CSMD3: variants seen among roughly 807,000 people sequenced by gnomAD.
CSMD3 encodes the protein CUB and Sushi multiple domains 3.
CSMD3 carries 177 observed loss-of-function variants against 435.2 expected under a neutral mutation model. The ratio of observed to expected loss-of-function variants is 0.41; its 90% CI spans 0.36 to 0.46. The LOEUF is 0.46. Among genes scored for constraint, CSMD3 ranks in the 20% least tolerant of loss-of-function variants. The pLI is 0.34. For synonymous variants in CSMD3, 1,656 were observed against 1,520.5 expected (o/e 1.09, Z -2.07); for missense variants, 4,265 against 4,504.6 (o/e 0.95, Z 1.52).
intron 1 of CSMD3, among the ~76,000 whole-genome samples, chr8:113,316,619 G>A (rs185848671): frequency 2.7e-5 from 4 of 150,578 alleles, no homozygotes; most frequent in East Asian, 2.0e-4. Context: ...GCGTGATCTC[G>A]GCTCACTGCA....
chr8:112,874,036 G>T (rs1587540036), intron 10 of CSMD3, among the ~76,000 whole-genome samples: 1 of 152,216 alleles, frequency 6.6e-6, no homozygotes, highest in East Asian at 1.9e-4. Flanking sequence ...GCTTTGTCCT[G>T]TGGGCATTTA....
chr8:113,392,221 G>C (rs1428449440), intron 1 of CSMD3, among the ~76,000 whole-genome samples: 1 of 152,062 alleles, frequency 6.6e-6, no homozygotes, highest in Non-Finnish European at 1.5e-5. Flanking sequence ...ATACATAATT[G>C]TATAAATTAT....
At chr8:112,692,801 CAGAG>C (rs1248517134) in intron 13 of CSMD3, among the ~76,000 whole-genome samples, 1 of 152,086 alleles carries the variant, frequency 6.6e-6, no homozygotes, top group Non-Finnish European at 1.5e-5. Flanking sequence ...TTGAGAGAGA[CAGAG>C]AGCACATTCA....
intron 2 of CSMD3, chr8:113,313,803 TG>T (rs2093888942): frequency 6.6e-6 from 1 of 152,146 alleles, no homozygotes; most frequent in African/African-American, 2.4e-5. Context: ...ATACAAACAC[TG>T]GCATAAATCT....
At chr8:112,932,810 C>T (rs2083157354) in intron 9 of CSMD3, among the ~76,000 whole-genome samples, 1 of 151,916 alleles carries the variant, frequency 6.6e-6, no homozygotes, top group African/African-American at 2.4e-5. Context: ...TGTATATTTG[C>T]ATTTCAAAAT....
intron 5 of CSMD3, among the ~76,000 whole-genome samples, chr8:113,044,363 C>T (rs1010530139): frequency 7.6e-6 from 1 of 132,278 alleles, no homozygotes; most frequent in Non-Finnish European, 1.8e-5. Context: ...GTGTCTAGAA[C>T]AGTCCATAAT....
intron 22 of CSMD3, among the ~76,000 whole-genome samples, chr8:112,621,856 C>T (rs1334669321): frequency 6.6e-6 from 1 of 152,120 alleles, no homozygotes; most frequent in African/African-American, 2.4e-5. Context: ...TATCCTGTAA[C>T]TTTTTCTCAA....
At chr8:112,798,283 T>G (rs952119107) in intron 13 of CSMD3, among the ~76,000 whole-genome samples, 1 of 151,608 alleles carries the variant, frequency 6.6e-6, no homozygotes, top group East Asian at 1.9e-4. Flanking sequence ...AAAATTAGAG[T>G]TTATGGAAAA....
At chr8:112,672,061 T>C (rs1254554083) in intron 16 of CSMD3, among the ~76,000 whole-genome samples, 2 of 152,116 alleles carry the variant, frequency 1.3e-5, no homozygotes, top group African/African-American at 4.8e-5. Context: ...ACAAGGAAGA[T>C]TGATACAGTT....
chr8:112,521,547 T>C (rs902959607), intron 27 of CSMD3, among the ~76,000 whole-genome samples: 3 of 151,948 alleles, frequency 2.0e-5, no homozygotes, highest in Admixed American at 1.3e-4. Flanking sequence ...GATAACCTAA[T>C]GACTGAGGGC....
chr8:112,288,847 GGATA>G (rs1436949214), intron 57 of CSMD3, among the ~76,000 whole-genome samples: 2 of 151,842 alleles, frequency 1.3e-5, no homozygotes, highest in African/African-American at 2.4e-5. Flanking sequence ...ATTAATATTA[GGATA>G]GATAAATATC....
chr8:112,293,364 T>C (rs918305974), intron 54 of CSMD3, among the ~76,000 whole-genome samples: 21 of 152,118 alleles, frequency 1.4e-4, no homozygotes, highest in African/African-American at 5.1e-4. Context: ...ATTGAGGATA[T>C]TTAAAGGCAG....
intron 11 of CSMD3, among the ~76,000 whole-genome samples, chr8:112,842,506 G>C (rs2080207642): frequency 6.6e-6 from 1 of 151,238 alleles, no homozygotes; most frequent in African/African-American, 2.4e-5. Context: ...GGTAGCAGTT[G>C]CAGTAGTAGT....
intron 7 of CSMD3, among the ~76,000 whole-genome samples, chr8:112,968,065 T>A (rs567104344): frequency 2.0e-5 from 3 of 151,910 alleles, no homozygotes; most frequent in African/African-American, 7.2e-5. Context: ...AGTTTTCGAA[T>A]TTAAGGCATA....
chr8:113,203,102 T>C (rs1295747089), intron 3 of CSMD3, among the ~76,000 whole-genome samples: 2 of 152,008 alleles, frequency 1.3e-5, no homozygotes, highest in African/African-American at 4.8e-5. Flanking sequence ...TAGTTTCTAG[T>C]AAATAGCCAG....
intron 5 of CSMD3, among the ~76,000 whole-genome samples, chr8:113,037,221 A>G (rs748332440): frequency 1.3e-5 from 2 of 152,090 alleles, no homozygotes; most frequent in African/African-American, 4.8e-5. Context: ...ATTAACATTT[A>G]TTTTATTTAT....
chr8:112,647,100 C>A (rs2075000916), intron 19 of CSMD3, among the ~76,000 whole-genome samples: 1 of 152,014 alleles, frequency 6.6e-6, no homozygotes, highest in Non-Finnish European at 1.5e-5. Context: ...CAGTCTAGTT[C>A]CAGGGTCTAT....
chr8:112,637,872 C>T (rs2074705370), intron 21 of CSMD3, among the ~76,000 whole-genome samples: 1 of 151,814 alleles, frequency 6.6e-6, no homozygotes, highest in South Asian at 2.1e-4. Flanking sequence ...CAAACATTTC[C>T]ACCCAAATAC....
intron 22 of CSMD3, among the ~76,000 whole-genome samples, chr8:112,617,648 C>A (rs1328436207): frequency 6.6e-6 from 1 of 152,106 alleles, no homozygotes; most frequent in Non-Finnish European, 1.5e-5. Context: ...AGTGGACATA[C>A]AGGTTAACTA....
Sources: gnomAD v4.1 joint callset for allele counts (sites outside exome capture counted in the v4.1 genomes callset) on GRCh38, gnomAD v4.1.1 for gene constraint, MANE v1.5 for transcripts, NCBI Gene and HGNC (gene_info 2026-07-23, HGNC 2026-07-21) for gene names.